TAF4B: variants seen among roughly 807,000 people sequenced by gnomAD.
TAF4B encodes the protein transcription initiation factor TFIID subunit 4B.
TAF4B carries 38 observed loss-of-function variants against 86.4 expected under a neutral mutation model. The observed-to-expected ratio is 0.44, with a 90% CI of 0.34 to 0.58. The LOEUF (loss-of-function observed/expected upper bound fraction) is 0.58, where lower values mean the gene tolerates loss of function less well. Among genes scored for constraint, TAF4B ranks in the 20% least tolerant of loss-of-function variants. The pLI is 0.02. For synonymous variants in TAF4B, 388 were observed against 391.2 expected (o/e 0.99, Z 0.10); for missense variants, 988 against 1,027.6 (o/e 0.96, Z 0.53).
intron 1 of TAF4B, among the ~76,000 whole-genome samples, chr18:26,229,976 T>TACACAC (rs1222224967): frequency 6.6e-6 from 1 of 151,662 alleles, no homozygotes; most frequent in African/African-American, 2.4e-5. Context: ...TATATATATA[T>TACACAC]ATACACACAC....
intron 1 of TAF4B, among the ~76,000 whole-genome samples, chr18:26,254,060 G>C (rs1262894434): frequency 6.6e-6 from 1 of 151,866 alleles, no homozygotes; most frequent in Non-Finnish European, 1.5e-5. Context: ...TGAGTAGCTG[G>C]GACTACAGGC....
At chr18:26,238,063 A>G (rs1264471744) in intron 1 of TAF4B, among the ~76,000 whole-genome samples, 1 of 152,184 alleles carries the variant, frequency 6.6e-6, no homozygotes, top group Non-Finnish European at 1.5e-5. Context: ...CACAAAGAGG[A>G]CCAAGGAATG....
intron 2 of TAF4B, chr18:26,266,644 G>A (rs958200473): frequency 1.3e-5 from 2 of 151,798 alleles, no homozygotes; most frequent in Admixed American, 6.6e-5. Context: ...GGTGGATCAC[G>A]AGGTCAGGAG....
chr18:26,365,002 CTTT>C (rs1236686001), intron 14 of TAF4B, among the ~76,000 whole-genome samples: 3 of 109,244 alleles, frequency 2.7e-5, no homozygotes, highest in African/African-American at 7.2e-5. Flanking sequence ...TAATTCTATT[CTTT>C]TTTTTTTTTT....
At position 26,286,326 on chromosome 18, in the gene TAF4B, G is replaced by T; in HGVS notation, c.1417G>T (p.Glu473Ter). The change falls in exon 7 of 15, where the codon GAA becomes TAA. Residue 473 changes from glutamate to a stop codon, truncating the protein, a stop_gained. Coordinates refer to ENST00000269142, the MANE Select transcript of TAF4B (RefSeq NM_005640.3). LOFTEE classifies it high-confidence loss of function. Reference sequence around the variant, plus strand: ...GTCCCTTCCAGCAGTAACTTTTGGAGAAACTTCAGGTGCAGCTATTTGTCT... The same window carrying T: ...GTCCCTTCCAGCAGTAACTTTTGGATAAACTTCAGGTGCAGCTATTTGTCT... Reference protein sequence around the residue: ...TLSLPAVTFGETSGAAICLPS... With the variant: ...TLSLPAVTFG 2 of 1,614,220 alleles carry T rather than the reference G, an allele frequency of 1.2e-6. No individual in the cohort carries two copies. Among genetic ancestry groups the T allele is most frequent in the Non-Finnish European group, 1.7e-6 (2 of 1,180,040 alleles).
chr18:26,297,255 G>A (rs1210082895), intron 9 of TAF4B, among the ~76,000 whole-genome samples: 1 of 152,042 alleles, frequency 6.6e-6, no homozygotes, highest in East Asian at 1.9e-4. Context: ...GAAGAACAAA[G>A]AGAAGGCTGG....
At chr18:26,243,892 TACAGCAAATATTGCAGA>T (rs1488157649) in intron 1 of TAF4B, among the ~76,000 whole-genome samples, 6 of 152,182 alleles carry the variant, frequency 3.9e-5, no homozygotes, top group African/African-American at 1.4e-4. Context: ...GAGGCTGCAG[TACAGCAAATATTGCAGA>T]ACAGCAAATG....
chr18:26,235,651 A>G (rs1321134659), intron 1 of TAF4B, among the ~76,000 whole-genome samples: 1 of 152,170 alleles, frequency 6.6e-6, no homozygotes, highest in East Asian at 1.9e-4. Flanking sequence ...TTGAGGCAAG[A>G]CTGTCGATGT....
chr18:26,304,705 C>G lies in TAF4B; in HGVS notation c.1833-10524C>G, dbSNP rs935405500. The G allele has an allele frequency of 4.1e-6, 4 of 985,160 alleles. No individual in the cohort carries two copies. The East Asian group carries it at 3.4e-4, about 84-fold the overall frequency. 61.0% of individuals were successfully genotyped at this position (985,160 alleles called of 1,614,324 possible). On this transcript the variant is annotated intron_variant, in intron 9 of 14. Coordinates refer to ENST00000269142, the MANE Select transcript of TAF4B (RefSeq NM_005640.3). Reference sequence around the variant, plus strand: ...CTAGTGCTAGCCACAGTCATTTGCCCTTGAGGCAATTCTTCCTTTAGGATA... The same window carrying G: ...CTAGTGCTAGCCACAGTCATTTGCCGTTGAGGCAATTCTTCCTTTAGGATA...
chr18:26,268,700 A>C (rs934046018), intron 3 of TAF4B, among the ~76,000 whole-genome samples: 3 of 152,312 alleles, frequency 2.0e-5, no homozygotes, highest in African/African-American at 4.8e-5. Context: ...CCTCCTCCAG[A>C]TGATGGGAGT....
chr18:26,297,511 C>A lies in TAF4B; in HGVS notation c.1832+3980C>A, dbSNP rs1198101714. On this transcript the variant is annotated intron_variant, in intron 9 of 14. Coordinates refer to ENST00000269142, the MANE Select transcript of TAF4B (RefSeq NM_005640.3). ...AATGTTTTGTGCCCTGCATGCTTTC[C>A]CCCTGGCTTCTCTATTCTGTTTTAG... 3.3e-5 allele frequency among the ~76,000 whole-genome samples: 5 copies of A among 152,100 alleles called. No homozygotes were observed. In the East Asian group the frequency reaches 9.6e-4, roughly 29 times the overall value.
intron 1 of TAF4B, among the ~76,000 whole-genome samples, chr18:26,250,143 C>G (rs543779373): frequency 6.2e-4 from 94 of 152,258 alleles, no homozygotes; most frequent in African/African-American, 2.2e-3. Flanking sequence ...TCAAGTGTTC[C>G]TTGCCTCAGC....
At chr18:26,359,883 A>ATT (rs11414642) in intron 14 of TAF4B, among the ~76,000 whole-genome samples, 71 of 144,908 alleles carry the variant, frequency 4.9e-4, no homozygotes, top group East Asian at 2.0e-3. Context: ...TGCCTGGCTA[A>ATT]TTTTTTTTTT....
chr18:26,236,303 G>A lies in TAF4B; in HGVS notation c.343+9027G>A, dbSNP rs536106142. Reference sequence around the variant, plus strand: ...GTTACAGGCTGTCCCAGGATTCTTAGGATGGTAATGGACCTTGAGGACGGC... The same window carrying A: ...GTTACAGGCTGTCCCAGGATTCTTAAGATGGTAATGGACCTTGAGGACGGC... On this transcript the variant is annotated intron_variant, in intron 1 of 14. Transcript: ENST00000269142. 3.9e-5 allele frequency among the ~76,000 whole-genome samples: 6 copies of A among 152,318 alleles called. No homozygotes were observed. In the South Asian group the frequency reaches 1.2e-3, roughly 32 times the overall value.
rs559710000 is a variant in TAF4B at position 26,298,063 on chromosome 18, A to C, written c.1832+4532A>C. ...GCCCCCCACCCCTCCAATTTTAGCT[A>C]TTCTGGTTTGGTATGTAGTTGTAGC... On this transcript the variant is annotated intron_variant, in intron 9 of 14. Coordinates refer to ENST00000269142, the MANE Select transcript of TAF4B (RefSeq NM_005640.3). Among the ~76,000 whole-genome samples, 13 of 113,178 alleles carry C rather than the reference A, an allele frequency of 1.1e-4. No individual in the cohort carries two copies. The East Asian group carries it at 3.8e-3, about 33-fold the overall frequency. 74.2% of individuals were successfully genotyped at this position (113,178 alleles called of 152,430 possible).
Position 26,309,843 on chromosome 18 carries a change from T to A in TAF4B, c.1833-5386T>A, listed in dbSNP as rs989471978. Among the ~76,000 whole-genome samples, 24 of 152,150 alleles carry A rather than the reference T, an allele frequency of 1.6e-4. 1 individual carries two copies. The highest frequency in any genetic ancestry group is 3.4e-4 in the Non-Finnish European group (23 of 68,024). On this transcript the variant is annotated intron_variant, in intron 9 of 14. Transcript: ENST00000269142. Reference sequence around the variant, plus strand: ...TTAATATTTATTTTTTATTTTTTATTTTTGAGATGAAGTCTCACTCTGTCG... The same window carrying A: ...TTAATATTTATTTTTTATTTTTTATATTTGAGATGAAGTCTCACTCTGTCG...
intron 14 of TAF4B, among the ~76,000 whole-genome samples, chr18:26,378,034 T>TA (rs2057454456): frequency 6.6e-6 from 1 of 152,198 alleles, no homozygotes; most frequent in African/African-American, 2.4e-5. Context: ...ATGCTGCTTA[T>TA]ATGTGTTTTT....
At chr18:26,316,550 C>G (rs1036462201) in intron 10 of TAF4B, among the ~76,000 whole-genome samples, 1 of 152,062 alleles carries the variant, frequency 6.6e-6, no homozygotes, top group Non-Finnish European at 1.5e-5. Context: ...ACCACCACAC[C>G]CAGCTAATTT....
At chr18:26,346,615 A>G (rs1267016495) in intron 13 of TAF4B, among the ~76,000 whole-genome samples, 3 of 150,686 alleles carry the variant, frequency 2.0e-5, no homozygotes, top group African/African-American at 7.3e-5. Flanking sequence ...GTCAATTCAC[A>G]AATAAAGGTA....
Sources: allele counts gnomAD v4.1 joint callset (sites outside exome capture counted in the v4.1 genomes callset), GRCh38; gene constraint gnomAD v4.1.1; transcripts MANE v1.5; gene names NCBI Gene and HGNC (gene_info 2026-07-23, HGNC 2026-07-21).